The following NLRP5 variants were observed in gnomAD, a reference collection of about 807,000 sequenced individuals.
The protein encoded by NLRP5 is NACHT, LRR and PYD domains-containing protein 5.
Under a neutral mutation model 113.1 loss-of-function variants are expected in NLRP5, and 93 were observed. The ratio of observed to expected loss-of-function variants is 0.82; its 90% CI spans 0.70 to 0.98. The LOEUF is 0.98. Ranked by LOEUF, NLRP5 falls within the 50% of genes least tolerant of loss-of-function variation. The pLI, the probability that NLRP5 is intolerant of heterozygous loss-of-function variation, is 0.00. For missense variants in NLRP5, 1,808 were observed against 1,514.3 expected, an observed-to-expected ratio of 1.19 and a Z score of -3.22; for synonymous variants, 751 against 600.7, an observed-to-expected ratio of 1.25 and a Z score of -3.66.
chr19:56,033,320 G>A (rs1287664585), intron 8 of NLRP5, among the ~76,000 whole-genome samples: 2 of 152,112 alleles, frequency 1.3e-5, no homozygotes, highest in East Asian at 1.9e-4. Context: ...GGTTTGGACG[G>A]GTTTGGATGG....
At chr19:56,013,596 G>GTTTTTTT (rs71183002) in intron 3 of NLRP5, among the ~76,000 whole-genome samples, 1,630 of 58,730 alleles carry the variant, frequency 0.028, 194 homozygotes, top group Admixed American at 0.038. Flanking sequence ...GGACATTTGG[G>GTTTTTTT]TTTTTTTTTT....
intron 4 of NLRP5, among the ~76,000 whole-genome samples, chr19:56,016,799 AC>A (rs1982419626): frequency 6.6e-6 from 1 of 152,066 alleles, no homozygotes. Context: ...GAGCTGAATA[AC>A]CCATTGTGTA....
chr19:56,018,935 A>G (rs1982507630), intron 4 of NLRP5, among the ~76,000 whole-genome samples: 1 of 152,144 alleles, frequency 6.6e-6, no homozygotes, highest in Non-Finnish European at 1.5e-5. Flanking sequence ...CTGGGATTAC[A>G]GGCACGTGCC....
At chr19:56,014,708 T>C (rs1222430837) in intron 3 of NLRP5, among the ~76,000 whole-genome samples, 1 of 152,190 alleles carries the variant, frequency 6.6e-6, no homozygotes, top group Non-Finnish European at 1.5e-5. Context: ...TGTCTAGATA[T>C]TCTTGTCTAA....
At chr19:56,039,046 C>G (rs114100240) in intron 10 of NLRP5, among the ~76,000 whole-genome samples, 1,932 of 152,270 alleles carry the variant, frequency 0.013, 29 homozygotes, top group African/African-American at 0.044. Flanking sequence ...AACCACTATT[C>G]AATGCTTACT....
At chr19:56,028,897 T>C (rs1207216252) in intron 7 of NLRP5, among the ~76,000 whole-genome samples, 1 of 152,150 alleles carries the variant, frequency 6.6e-6, no homozygotes, top group African/African-American at 2.4e-5. Flanking sequence ...GCCGAGGAGC[T>C]GGGACTACAG....
intron 7 of NLRP5, among the ~76,000 whole-genome samples, chr19:56,031,343 G>A (rs1178639111): frequency 6.6e-6 from 1 of 152,026 alleles, no homozygotes; most frequent in African/African-American, 2.4e-5. Context: ...GTAGAATCAT[G>A]AGCCCAGTGT....
Position 55,999,751 on chromosome 19 carries a change from T to C in NLRP5, c.26T>C (p.Leu9Pro), listed in dbSNP as rs746719969. ...ATGAAGGTTGCAGGAGGACTTGAAC[T>C]TGGAGCTGCTGCTCTGCTCTCAGCA... The change falls in exon 1 of 15, where the codon CTT becomes CCT. Residue 9 changes from leucine (L) to proline (P), a missense_variant. By Grantham distance (98) the Leu-to-Pro change is moderately conservative. Coordinates refer to ENST00000390649, the MANE Select transcript of NLRP5 (RefSeq NM_153447.4). The C allele has an allele frequency of 1.9e-6, 3 of 1,613,624 alleles. No individual in the cohort carries two copies. The South Asian group carries it at 3.3e-5, about 18-fold the overall frequency.
upstream of NLRP5, among the ~76,000 whole-genome samples, chr19:55,998,204 A>G (rs1981399286): frequency 6.6e-6 from 1 of 152,258 alleles, no homozygotes; most frequent in Admixed American, 6.5e-5. Flanking sequence ...TTATAAAAAT[A>G]TAAGAAACCA....
At chr19:56,043,511 A>C (rs543375546) in intron 11 of NLRP5, among the ~76,000 whole-genome samples, 1 of 114,130 alleles carries the variant, frequency 8.8e-6, no homozygotes, top group African/African-American at 3.6e-5. Flanking sequence ...ATTTTCTCCT[A>C]CTCTATGGAT....
chr19:56,021,678 C>T (rs1284778272), intron 6 of NLRP5, among the ~76,000 whole-genome samples: 1 of 152,156 alleles, frequency 6.6e-6, no homozygotes, highest in Non-Finnish European at 1.5e-5. Flanking sequence ...AATAATATTC[C>T]ATTGTATGGA....
chr19:56,049,510 A>G (rs1983852644), intron 11 of NLRP5, among the ~76,000 whole-genome samples: 1 of 149,654 alleles, frequency 6.7e-6, no homozygotes, highest in Non-Finnish European at 1.5e-5. Context: ...AGGTTTCACC[A>G]TGTTGGCCAG....
intron 4 of NLRP5, chr19:56,018,640 A>G (rs1982496653): frequency 6.6e-6 from 1 of 152,200 alleles, no homozygotes; most frequent in African/African-American, 2.4e-5. Flanking sequence ...TGAGACTACA[A>G]TGCAGTGGCT....
At chr19:56,021,716 C>A (rs1472686287) in intron 6 of NLRP5, among the ~76,000 whole-genome samples, 22 of 152,124 alleles carry the variant, frequency 1.4e-4, no homozygotes, top group Admixed American at 1.4e-3. Context: ...ATCTGTTGTT[C>A]AGTTCATGGG....
At chr19:56,058,434 T>C (rs770295610) in intron 14 of NLRP5, 24 bp downstream of exon 14, 1 of 1,589,696 alleles carries the variant, frequency 6.3e-7, no homozygotes, top group Non-Finnish European at 8.6e-7. Flanking sequence ...AATTGTCTTC[T>C]GAGATACAGA....
Position 56,061,564 on chromosome 19 carries a change from T to TGGA in NLRP5, c.*40_*42dup. On this transcript the variant is annotated 3_prime_UTR_variant, in exon 15 of 15. Transcript: ENST00000390649. ...ACCTGCCCCACTCACACCCATCTGATGGAGGAACTTTAAACGCTGTTTTCT... is the reference window on the plus strand; with the variant it reads ...ACCTGCCCCACTCACACCCATCTGATGGAGGAGGAACTTTAAACGCTGTTTTCT... 1 of 1,611,992 alleles carries TGGA rather than the reference T, an allele frequency of 6.2e-7. No individual in the cohort carries two copies.
In NLRP5 at chr19:56,010,755, A is replaced by AAAAAAAAAAAAT. The variant is rs78321861; in HGVS notation, c.508+1902_508+1903insAAAAAAAAAAAT. Among the ~76,000 whole-genome samples, 162 of 125,990 alleles carry AAAAAAAAAAAAT rather than the reference A, an allele frequency of 1.3e-3. 12 individuals carry two copies. Among genetic ancestry groups the AAAAAAAAAAAAT allele is most frequent in the African/African-American group, 3.7e-3 (123 of 33,122 alleles). 82.7% of individuals were successfully genotyped at this position (125,990 alleles called of 152,430 possible). ...TTAACTCTGTCTCAAAAAAAAAAAA[A>AAAAAAAAAAAAT]GTCCCTTGAAACTAAGCCAACCCAA... On this transcript the variant is annotated intron_variant, in intron 3 of 14. Transcript: ENST00000390649.
chr19:56,031,838 G>C (rs1983127738), intron 7 of NLRP5, among the ~76,000 whole-genome samples: 1 of 152,134 alleles, frequency 6.6e-6, no homozygotes, highest in African/African-American at 2.4e-5. Context: ...AAGTTTTCCA[G>C]ATCTGAGCTA....
intron 5 of NLRP5, 76 bp downstream of exon 5, chr19:56,019,474 T>G: frequency 6.8e-7 from 1 of 1,465,192 alleles, no homozygotes; most frequent in Non-Finnish European, 9.5e-7. Context: ...TAGTTTAGAT[T>G]TCAAGGGTAT....
Sources: gnomAD v4.1 joint callset for allele counts (sites outside exome capture counted in the v4.1 genomes callset) on GRCh38, gnomAD v4.1.1 for gene constraint, MANE v1.5 for transcripts, NCBI Gene and HGNC (gene_info 2026-07-23, HGNC 2026-07-21) for gene names.